The following PTPDC1 variants were observed in gnomAD, a reference collection of about 807,000 sequenced individuals.
PTPDC1 encodes the protein protein tyrosine phosphatase domain containing 1.
In PTPDC1, 53 loss-of-function variants were observed where a neutral mutation model predicts 75.3. The observed-to-expected ratio is 0.70, with a 90% CI of 0.56 to 0.88. The LOEUF (loss-of-function observed/expected upper bound fraction) is 0.88, where lower values mean the gene tolerates loss of function less well. Ranked by LOEUF, PTPDC1 falls within the 40% of genes least tolerant of loss-of-function variation. PTPDC1 has a pLI of 0.00. For missense variants in PTPDC1, 925 were observed against 998.6 expected, an observed-to-expected ratio of 0.93 and a Z score of 0.99; for synonymous variants, 349 against 366.2, an observed-to-expected ratio of 0.95 and a Z score of 0.54.
intron 1 of PTPDC1, among the ~76,000 whole-genome samples, chr9:94,034,156 T>C (rs1829779649): frequency 6.6e-6 from 1 of 152,248 alleles, no homozygotes; most frequent in South Asian, 2.1e-4. Context: ...TCACTGAGTT[T>C]AAATTTGTGA....
At chr9:94,067,116 G>A (rs558238068) in intron 2 of PTPDC1, among the ~76,000 whole-genome samples, 3 of 152,026 alleles carry the variant, frequency 2.0e-5, no homozygotes, top group East Asian at 1.9e-4. Flanking sequence ...TTGGCTGGGC[G>A]CGGTAGCTCA....
At chr9:94,068,399 T>C (rs546296134) in intron 2 of PTPDC1, among the ~76,000 whole-genome samples, 2 of 149,916 alleles carry the variant, frequency 1.3e-5, no homozygotes, top group African/African-American at 4.9e-5. Flanking sequence ...TTATAGACAA[T>C]TTTTTTTTTG....
At chr9:94,057,524 G>GAT (rs1223000422) in intron 1 of PTPDC1, among the ~76,000 whole-genome samples, 12 of 152,156 alleles carry the variant, frequency 7.9e-5, no homozygotes, top group Non-Finnish European at 1.6e-4. Context: ...TGCAAAGTAA[G>GAT]ATAACAAATA....
Position 94,084,510 on chromosome 9 carries a change from C to T in PTPDC1, c.-21C>T, listed in dbSNP as rs574702775. The stretch of plus-strand genomic sequence containing the variant: ...GAGTGGGGCTGACTCTTCCTGCCTC[C>T]GGCTCTTGCCTCCCAGTGCCATGCA... On this transcript the variant is annotated 5_prime_UTR_variant, in exon 1 of 9. Transcript: ENST00000620992. 1.7e-5 allele frequency: 27 copies of T among 1,606,974 alleles called. No individual in the cohort carries two copies. Among genetic ancestry groups the T allele is most frequent in the African/African-American group, 1.2e-4 (9 of 74,992 alleles).
At chr9:94,067,399 A>T (rs35883789) in intron 2 of PTPDC1, among the ~76,000 whole-genome samples, 87,272 of 149,342 alleles carry the variant, frequency 0.58, 25,810 homozygotes, top group Admixed American at 0.7. Flanking sequence ...CAAAAAAAAA[A>T]AATAATAATA....
chr9:94,086,014 T>C (rs1827062504), intron 2 of PTPDC1, among the ~76,000 whole-genome samples: 2 of 152,254 alleles, frequency 1.3e-5, no homozygotes, highest in Admixed American at 6.5e-5. Context: ...TACACCTTTT[T>C]GATGTAGTAA....
At chr9:94,058,549 A>G (rs1167817521) in intron 1 of PTPDC1, among the ~76,000 whole-genome samples, 1 of 150,026 alleles carries the variant, frequency 6.7e-6, no homozygotes, top group African/African-American at 2.5e-5. Context: ...AAAAAAAAAA[A>G]TACAAAAATT....
chr9:94,082,134 A>T (rs934899734), upstream of PTPDC1, among the ~76,000 whole-genome samples: 3 of 152,246 alleles, frequency 2.0e-5, no homozygotes, highest in African/African-American at 7.2e-5. Flanking sequence ...GAAAGAAAAC[A>T]TTTGAGCTGT....
intron 1 of PTPDC1, among the ~76,000 whole-genome samples, chr9:94,051,303 T>G (rs1202568609): frequency 6.6e-6 from 1 of 152,230 alleles, no homozygotes; most frequent in Admixed American, 6.5e-5. Context: ...TCTGTGTTGC[T>G]CATGCTGGGA....
intron 7 of PTPDC1, among the ~76,000 whole-genome samples, chr9:94,102,991 T>TACACACACACAC (rs10624415): frequency 4.0e-4 from 59 of 148,964 alleles, no homozygotes; most frequent in East Asian, 6.0e-4. Flanking sequence ...CTGCTGTTAC[T>TACACACACACAC]ACACACACAC....
chr9:94,076,413 A>G (rs1826691569), intron 2 of PTPDC1, among the ~76,000 whole-genome samples: 1 of 152,152 alleles, frequency 6.6e-6, no homozygotes, highest in East Asian at 1.9e-4. Context: ...TTTTCTGGAC[A>G]TTTCATATAA....
In PTPDC1 at chr9:94,104,276, G is replaced by T. The variant is rs1422838905; in HGVS notation, c.2201G>T (p.Gly734Val). ...AAEALFLLEK[G>V]QHQTILCVLH... ...AAATTTTGATTTCTACAAAAACAGGGACAGCACCAGACTATTCTCTGCGTG... is the reference window on the plus strand; with the variant it reads ...AAATTTTGATTTCTACAAAAACAGGTACAGCACCAGACTATTCTCTGCGTG... Residue 734 changes from glycine to valine, a missense_variant and splice_region_variant, in exon 8 of 9, where the codon GGA (glycine) becomes GTA (valine). Transcript: ENST00000620992. The T allele has an allele frequency of 1.9e-6, 3 of 1,603,518 alleles. No individual in the cohort carries two copies. Among genetic ancestry groups the T allele is most frequent in the Non-Finnish European group, 2.6e-6 (3 of 1,172,726 alleles).
chr9:94,058,487 T>G (rs953036433), intron 1 of PTPDC1, among the ~76,000 whole-genome samples: 2 of 151,210 alleles, frequency 1.3e-5, no homozygotes, highest in East Asian at 1.9e-4. Flanking sequence ...TCACTTGAAG[T>G]CAGGAGTTCC....
At chr9:94,042,892 G>A (rs764313900) in intron 1 of PTPDC1, among the ~76,000 whole-genome samples, 1 of 152,132 alleles carries the variant, frequency 6.6e-6, no homozygotes, top group African/African-American at 2.4e-5. Context: ...TCATCAGAGG[G>A]CAGCATCTTC....
intron 1 of PTPDC1, among the ~76,000 whole-genome samples, chr9:94,053,273 A>G (rs890598102): frequency 2.6e-5 from 4 of 151,912 alleles, no homozygotes; most frequent in African/African-American, 9.7e-5. Context: ...CCCAGGACTA[A>G]CCTTATCAGA....
intron 7 of PTPDC1, among the ~76,000 whole-genome samples, chr9:94,103,704 G>T (rs1016642674): frequency 2.6e-5 from 4 of 152,148 alleles, no homozygotes; most frequent in African/African-American, 9.7e-5. Context: ...CTTTGCTAAG[G>T]TAAACAGCCC....
chr9:94,098,426 G>C lies in PTPDC1; in HGVS notation c.1860G>C (p.Gln620His). The stretch of plus-strand genomic sequence containing the variant: ...AGTTCTTGGTTGAACATGAAACCCA[G>C]GACAGTAAAGATCTGTCTGAAGCAG... The part of the protein sequence containing the change: ...KAQFLVEHET[Q>H]DSKDLSEAAS... The change falls in exon 6 of 9, where the codon CAG (glutamine) becomes CAC (histidine). Residue 620 changes from glutamine to histidine, a missense_variant. Gln to His is a conservative substitution (Grantham distance 24). Coordinates refer to ENST00000620992, the MANE Select transcript of PTPDC1 (RefSeq NM_001253829.2). 2 of 1,614,152 alleles carry C rather than the reference G, an allele frequency of 1.2e-6. No individual in the cohort carries two copies. The highest frequency in any genetic ancestry group is 1.3e-5 in the African/African-American group (1 of 75,008).
At chr9:94,049,367 A>G (rs1825715204) in intron 1 of PTPDC1, among the ~76,000 whole-genome samples, 1 of 152,070 alleles carries the variant, frequency 6.6e-6, no homozygotes, top group African/African-American at 2.4e-5. Flanking sequence ...GTTCCTTTCC[A>G]TGCTTAGTGC....
intron 1 of PTPDC1, among the ~76,000 whole-genome samples, chr9:94,037,758 C>T (rs1033405902): frequency 9.9e-5 from 15 of 152,098 alleles, no homozygotes; most frequent in East Asian, 1.9e-4. Flanking sequence ...GCCCCATTCC[C>T]GTCCCGTAAT....
Sources: allele counts gnomAD v4.1 joint callset (sites outside exome capture counted in the v4.1 genomes callset), GRCh38; gene constraint gnomAD v4.1.1; transcripts MANE v1.5; gene names NCBI Gene and HGNC (gene_info 2026-07-23, HGNC 2026-07-21).